The following MTA3 variants were observed in gnomAD, a reference collection of about 807,000 sequenced individuals.
MTA3 encodes the protein metastasis associated 1 family member 3, also known as metastasis-associated protein MTA3.
Under a neutral mutation model 83.5 loss-of-function variants are expected in MTA3, and 34 were observed. The observed-to-expected ratio is 0.41, with a 90% CI of 0.31 to 0.54. The LOEUF is 0.54. Among genes scored for constraint, MTA3 ranks in the 20% least tolerant of loss-of-function variants. The pLI is 0.33. For synonymous variants in MTA3, 303 were observed against 252.7 expected, an observed-to-expected ratio of 1.20 and a Z score of -1.89; for missense variants, 761 against 726.4, an observed-to-expected ratio of 1.05 and a Z score of -0.55.
In MTA3 at chr2:42,704,239, T is replaced by A. The variant is rs756390777; in HGVS notation, c.1071T>A (p.Pro357=). The part of the protein sequence containing the change: ...PNQISTSNGK[P]GAVNGAVGTT... ...AAATATCCACTAGTAATGGGAAGCC[T>A]GGTGCTGTGAATGGAGCTGTGGGGA... The change falls in exon 12 of 17, where the codon CCT becomes CCA. Residue 357 remains proline, a synonymous_variant. Transcript: ENST00000405094. 6.2e-7 allele frequency: 1 copy of A among 1,613,942 alleles called. No individual in the cohort carries two copies. Among genetic ancestry groups the A allele is most frequent in the Non-Finnish European group, 8.5e-7 (1 of 1,179,844 alleles).
At chr2:42,644,945 C>G (rs1688035552) in intron 6 of MTA3, among the ~76,000 whole-genome samples, 1 of 152,052 alleles carries the variant, frequency 6.6e-6, no homozygotes, top group African/African-American at 2.4e-5. Context: ...GTTAATAACC[C>G]TGCAGTGGCC....
intron 9 of MTA3, among the ~76,000 whole-genome samples, chr2:42,695,191 C>T (rs577412721): frequency 5.3e-5 from 8 of 151,896 alleles, no homozygotes; most frequent in African/African-American, 1.4e-4. Context: ...AATGTATAAA[C>T]GGAATGAGAA....
intron 2 of MTA3, among the ~76,000 whole-genome samples, chr2:42,536,080 A>G (rs1008634533): frequency 6.6e-6 from 1 of 151,834 alleles, no homozygotes; most frequent in African/African-American, 2.4e-5. Context: ...TGTTCATGCC[A>G]GTGCCCTCCA....
At position 42,545,401 on chromosome 2, in the gene MTA3, A is replaced by C. The variant is rs554193219; in HGVS notation, c.-140-25036A>C. Among the ~76,000 whole-genome samples the C allele has an allele frequency of 2.0e-5, 3 of 152,198 alleles. No homozygotes were observed. The East Asian group carries it at 5.8e-4, about 29-fold the overall frequency. ...TCAAAAATAAAATTAGAAGAAGAAA[A>C]AAAAAGGAACCTAAGAAAACACAAG... On this transcript the variant is annotated intron_variant, in intron 2 of 17. Transcript: ENST00000405592.
intron 8 of MTA3, among the ~76,000 whole-genome samples, chr2:42,660,407 A>T (rs1012532321): frequency 1.3e-5 from 2 of 152,128 alleles, no homozygotes; most frequent in African/African-American, 4.8e-5. Context: ...TTTTCTATAT[A>T]ATTTTATTAC....
chr2:42,529,181 A>T (rs1486883245), intron 2 of MTA3, among the ~76,000 whole-genome samples: 1 of 152,128 alleles, frequency 6.6e-6, no homozygotes, highest in African/African-American at 2.4e-5. Context: ...CAAAATCTTG[A>T]TGTATAAATA....
At chr2:42,558,487 C>A (rs904474451) in intron 2 of MTA3, among the ~76,000 whole-genome samples, 1 of 151,912 alleles carries the variant, frequency 6.6e-6, no homozygotes, top group Admixed American at 6.6e-5. Context: ...CGACCTCAGG[C>A]CATCTGCCCA....
chr2:42,681,654 A>C (rs1223823214), intron 8 of MTA3, among the ~76,000 whole-genome samples: 2 of 152,098 alleles, frequency 1.3e-5, no homozygotes, highest in Admixed American at 1.3e-4. Context: ...TTGGGACTGT[A>C]GGCATGCACA....
chr2:42,560,935 T>G (rs1677646621), intron 2 of MTA3, among the ~76,000 whole-genome samples: 1 of 151,980 alleles, frequency 6.6e-6, no homozygotes, highest in Non-Finnish European at 1.5e-5. Flanking sequence ...AAATTAAGTC[T>G]CCATTATTCC....
intron 5 of MTA3, among the ~76,000 whole-genome samples, chr2:42,643,035 C>T (rs1687836192): frequency 4.5e-4 from 2 of 4,426 alleles, no homozygotes; most frequent in African/African-American, 1.7e-3. Context: ...ATTGGTGTCT[C>T]CCCCCCCCCC....
At chr2:42,544,298 T>C (rs1286158699) in intron 2 of MTA3, among the ~76,000 whole-genome samples, 2 of 151,528 alleles carry the variant, frequency 1.3e-5, no homozygotes, top group African/African-American at 2.4e-5. Flanking sequence ...ATACAAAAAT[T>C]AGCTAGGCAT....
At chr2:42,750,381 A>G (rs1344800408) in intron 16 of MTA3, among the ~76,000 whole-genome samples, 4 of 148,500 alleles carry the variant, frequency 2.7e-5, no homozygotes, top group African/African-American at 7.5e-5. Flanking sequence ...TTTGGTCTCT[A>G]ACACCTGCTG....
At chr2:42,562,263 A>G (rs1489782694) in intron 2 of MTA3, among the ~76,000 whole-genome samples, 3 of 152,126 alleles carry the variant, frequency 2.0e-5, no homozygotes, top group African/African-American at 7.2e-5. Context: ...AAATAAGGTC[A>G]TATTCGCAGG....
chr2:42,552,441 T>G (rs1213749642), intron 2 of MTA3, among the ~76,000 whole-genome samples: 2 of 152,116 alleles, frequency 1.3e-5, no homozygotes, highest in East Asian at 3.9e-4. Context: ...CTTGGACTAT[T>G]GAAAAGGCTT....
At chr2:42,677,676 A>G (rs781718685) in intron 8 of MTA3, among the ~76,000 whole-genome samples, 6 of 152,110 alleles carry the variant, frequency 3.9e-5, no homozygotes, top group Non-Finnish European at 8.8e-5. Flanking sequence ...TTCCCTGCAC[A>G]ACCTCTTGCT....
intron 9 of MTA3, among the ~76,000 whole-genome samples, chr2:42,685,378 G>A (rs912117026): frequency 1.3e-5 from 2 of 152,106 alleles, no homozygotes; most frequent in Admixed American, 6.6e-5. Context: ...ACATCAGATC[G>A]GGCCTCCAAG....
intron 6 of MTA3, among the ~76,000 whole-genome samples, chr2:42,652,770 A>T (rs553205537): frequency 6.6e-6 from 1 of 152,342 alleles, no homozygotes; most frequent in South Asian, 2.1e-4. Context: ...ATGTGACTTT[A>T]AAAAATTATA....
intron 2 of MTA3, among the ~76,000 whole-genome samples, chr2:42,549,601 C>T (rs1179285159): frequency 3.5e-5 from 4 of 115,536 alleles, no homozygotes; most frequent in Non-Finnish European, 6.5e-5. Flanking sequence ...TATACATATA[C>T]ATATATAATA....
intron 16 of MTA3, among the ~76,000 whole-genome samples, chr2:42,726,007 A>C (rs1165919290): frequency 6.6e-6 from 1 of 152,238 alleles, no homozygotes; most frequent in South Asian, 2.1e-4. Context: ...ATCCTGATTA[A>C]CCAGAGTTTC....
Sources: gnomAD v4.1 joint callset for allele counts (sites outside exome capture counted in the v4.1 genomes callset) on GRCh38, gnomAD v4.1.1 for gene constraint, MANE v1.5 for transcripts, NCBI Gene and HGNC (gene_info 2026-07-23, HGNC 2026-07-21) for gene names.